Variants in IL19 observed in about 807,000 individuals in gnomAD.
The protein encoded by IL19 is interleukin 19.
IL19 carries 15 observed loss-of-function variants against 19.5 expected under a neutral mutation model. That is an observed-to-expected ratio of 0.77 (90% CI 0.52 to 1.19). The LOEUF is 1.19. Ranked by LOEUF, IL19 falls within the 50% of genes most tolerant of loss-of-function variation. The pLI is 0.00. For missense variants in IL19, 199 were observed against 213.1 expected (o/e 0.93, Z 0.41); for synonymous variants, 78 against 78.3 (o/e 1.00, Z 0.02).
At chr1:206,796,201 C>A (rs1000063793) in intron 1 of IL19, among the ~76,000 whole-genome samples, 1 of 152,092 alleles carries the variant, frequency 6.6e-6, no homozygotes, top group Non-Finnish European at 1.5e-5. Flanking sequence ...ATTCTCCTTT[C>A]CCCTACTTTT....
In IL19 at chr1:206,772,198, T is replaced by C. The variant is rs1266182604; in HGVS notation, c.-149+1120T>C. The stretch of plus-strand genomic sequence containing the variant: ...AGGTGGAGGCGCAGGAGGAGGGTTC[T>C]TATAGTTCCAGGAGAATGTCTAGTT... On this transcript the variant is annotated intron_variant, in intron 1 of 6. Transcript: ENST00000659997. The C allele has an allele frequency of 1.2e-5, 16 of 1,379,538 alleles. No homozygotes were observed. In the Admixed American group the frequency reaches 2.7e-4, roughly 23 times the overall value. 85.5% of individuals were successfully genotyped at this position (1,379,538 alleles called of 1,614,324 possible).
intron 1 of IL19, among the ~76,000 whole-genome samples, chr1:206,797,390 G>T (rs1350345119): frequency 1.3e-5 from 2 of 152,048 alleles, no homozygotes; most frequent in Non-Finnish European, 1.5e-5. Context: ...GCACCAGAGG[G>T]TTTCCACATT....
intron 2 of IL19, among the ~76,000 whole-genome samples, chr1:206,817,761 CT>C (rs373441723): frequency 0.029 from 3,973 of 139,368 alleles, 57 homozygotes; most frequent in Middle Eastern, 0.067. Flanking sequence ...TAGAAGATTT[CT>C]TTTTTTTTTT....
At chr1:206,838,958 C>T (rs1441202809) in intron 4 of IL19, among the ~76,000 whole-genome samples, 2 of 152,166 alleles carry the variant, frequency 1.3e-5, no homozygotes, top group African/African-American at 4.8e-5. Flanking sequence ...TTTTGTGTTG[C>T]CATCTAGGAA....
chr1:206,833,944 G>T, intron 2 of IL19: 1 of 985,602 alleles, frequency 1.0e-6, no homozygotes. Flanking sequence ...GCAGCCAGAG[G>T]CACCTGCAGA....
At chr1:206,810,387 G>A (rs959852790) in intron 2 of IL19, among the ~76,000 whole-genome samples, 1 of 152,218 alleles carries the variant, frequency 6.6e-6, no homozygotes, top group African/African-American at 2.4e-5. Flanking sequence ...GTAGAGGAAG[G>A]CATCCAAGAC....
chr1:206,822,762 T>TGGTGTCCCCCAACGCTTC (rs1321291248), intron 2 of IL19, among the ~76,000 whole-genome samples: 3 of 152,136 alleles, frequency 2.0e-5, no homozygotes, highest in Admixed American at 1.3e-4. Context: ...CTGTCCACTT[T>TGGTGTCCCCCAACGCTTC]GGTGTCCCCC....
intron 1 of IL19, among the ~76,000 whole-genome samples, chr1:206,781,919 AG>A (rs1675147134): frequency 9.4e-6 from 1 of 106,574 alleles, no homozygotes; most frequent in African/African-American, 4.0e-5. Flanking sequence ...ATATGTATAT[AG>A]TTATATATAC....
At chr1:206,810,514 C>T (rs552003473) in intron 2 of IL19, among the ~76,000 whole-genome samples, 2 of 152,338 alleles carry the variant, frequency 1.3e-5, no homozygotes, top group South Asian at 4.1e-4. Flanking sequence ...CATTAAGAAA[C>T]ACATTGACGA....
chr1:206,809,978 T>G (rs1018196597), intron 2 of IL19, among the ~76,000 whole-genome samples: 1 of 152,154 alleles, frequency 6.6e-6, no homozygotes, highest in African/African-American at 2.4e-5. Flanking sequence ...GGGAATGAAT[T>G]CTCCTTCTCA....
At chr1:206,806,437 GAGAAAACAAGTCA>G (rs1675847316) in intron 2 of IL19, among the ~76,000 whole-genome samples, 2 of 152,092 alleles carry the variant, frequency 1.3e-5, no homozygotes, top group Non-Finnish European at 2.9e-5. Flanking sequence ...AATAGGCAGG[GAGAAAACAAGTCA>G]AGCATTTTTC....
intron 2 of IL19, among the ~76,000 whole-genome samples, chr1:206,815,585 C>G (rs1044100880): frequency 6.6e-6 from 1 of 152,048 alleles, no homozygotes; most frequent in East Asian, 1.9e-4. Flanking sequence ...TTAGGTCAAT[C>G]CTACCTGATT....
At chr1:206,794,441 C>T (rs909122808) in intron 1 of IL19, among the ~76,000 whole-genome samples, 9 of 152,134 alleles carry the variant, frequency 5.9e-5, no homozygotes, top group African/African-American at 1.4e-4. Flanking sequence ...CCCATGACCC[C>T]GTGTCCCTCC....
chr1:206,813,963 C>G (rs890090407), intron 2 of IL19, among the ~76,000 whole-genome samples: 4 of 152,176 alleles, frequency 2.6e-5, no homozygotes, highest in Admixed American at 1.3e-4. Flanking sequence ...TTCCAGCCTG[C>G]CAATCTGCCC....
At chr1:206,825,618 C>T (rs1488246142) in intron 2 of IL19, among the ~76,000 whole-genome samples, 4 of 152,148 alleles carry the variant, frequency 2.6e-5, no homozygotes, top group African/African-American at 4.8e-5. Flanking sequence ...TTGGGCCTGA[C>T]CTTTCTGATT....
At chr1:206,800,504 G>A (rs1675655111) in intron 2 of IL19, among the ~76,000 whole-genome samples, 2 of 152,190 alleles carry the variant, frequency 1.3e-5, no homozygotes, top group South Asian at 4.1e-4. Context: ...GGAGGGTGTG[G>A]TCAAGGGAGG....
rs145425272 is a variant in IL19 at position 206,787,975 on chromosome 1, C to T, written c.-148-10886C>T. On this transcript the variant is annotated intron_variant, in intron 1 of 6. Transcript: ENST00000659997. ...AGCCACATTCATAGCCATGGGAATC[C>T]GTGTTTTTCAGCAAGCTTCCTTCTA... Among the ~76,000 whole-genome samples, 12 of 152,278 alleles carry T rather than the reference C, an allele frequency of 7.9e-5. No individual in the cohort carries two copies. In the East Asian group the frequency reaches 1.2e-3, roughly 15 times the overall value.
At chr1:206,773,452 T>C (rs941808092) in intron 1 of IL19, among the ~76,000 whole-genome samples, 1 of 152,144 alleles carries the variant, frequency 6.6e-6, no homozygotes, top group Non-Finnish European at 1.5e-5. Flanking sequence ...GTTTAAAAGA[T>C]GGGGTGGAAG....
rs574787295 is a variant in IL19, at chr1:206,825,454, C to T, written c.-2-11207C>T. On this transcript the variant is annotated intron_variant, in intron 2 of 6. Transcript: ENST00000659997. ...TAAGATGTCAAGATCAAAATTTTTC[C>T]TTCTGATACCACATTTTGTTTAATC... 5.9e-5 allele frequency among the ~76,000 whole-genome samples: 9 copies of T among 152,282 alleles called. No homozygotes were observed. The East Asian group carries it at 1.7e-3, about 29-fold the overall frequency.
Sources: gnomAD v4.1 joint callset for allele counts (sites outside exome capture counted in the v4.1 genomes callset) on GRCh38, gnomAD v4.1.1 for gene constraint, MANE v1.5 for transcripts, NCBI Gene and HGNC (gene_info 2026-07-23, HGNC 2026-07-21) for gene names.